MDGA2: variants seen among roughly 807,000 people sequenced by gnomAD.
MDGA2 encodes the protein MAM domain-containing glycosylphosphatidylinositol anchor protein 2.
MDGA2 carries 40 observed loss-of-function variants against 117.8 expected under a neutral mutation model. That is an observed-to-expected ratio of 0.34 (90% CI 0.26 to 0.44). The LOEUF is 0.44. MDGA2 is among the 20% of genes least tolerant of loss of function. The pLI, the probability that MDGA2 is intolerant of heterozygous loss-of-function variation, is 1.00. For synonymous variants in MDGA2, 452 were observed against 439.0 expected, an observed-to-expected ratio of 1.03 and a Z score of -0.37; for missense variants, 1,123 against 1,250.6, an observed-to-expected ratio of 0.90 and a Z score of 1.54.
intron 1 of MDGA2, among the ~76,000 whole-genome samples, chr14:47,641,875 A>G (rs544987443): frequency 6.6e-6 from 1 of 152,242 alleles, no homozygotes; most frequent in East Asian, 1.9e-4. Flanking sequence ...CTCATTTGAT[A>G]GGGAAGAGAT....
At chr14:47,176,806 C>G (rs1884473245) in intron 3 of MDGA2, among the ~76,000 whole-genome samples, 2 of 152,102 alleles carry the variant, frequency 1.3e-5, no homozygotes, top group Non-Finnish European at 2.9e-5. Context: ...CAAATGGGAT[C>G]TAATTAAACT....
At chr14:47,209,594 C>A (rs1885810065) in intron 3 of MDGA2, among the ~76,000 whole-genome samples, 3 of 152,146 alleles carry the variant, frequency 2.0e-5, no homozygotes, top group African/African-American at 4.8e-5. Context: ...TAATTCTTCT[C>A]TAATGTCTTC....
At chr14:47,290,080 A>T (rs1394490175) in intron 2 of MDGA2, among the ~76,000 whole-genome samples, 2 of 151,772 alleles carry the variant, frequency 1.3e-5, no homozygotes, top group Non-Finnish European at 2.9e-5. Flanking sequence ...AGTAAAAGAC[A>T]TTTTTTTTAA....
chr14:47,666,878 G>C (rs549035769), intron 1 of MDGA2, among the ~76,000 whole-genome samples: 1 of 151,888 alleles, frequency 6.6e-6, no homozygotes, highest in Non-Finnish European at 1.5e-5. Context: ...TGGGAGGAAC[G>C]AACAACTCCA....
Position 46,957,735 on chromosome 14 carries a change from A to G in MDGA2, c.1820-92T>C. The G allele has an allele frequency of 2.2e-6, 3 of 1,356,300 alleles. No homozygotes were observed. The East Asian group carries it at 6.9e-5, about 31-fold the overall frequency. 84.0% of individuals were successfully genotyped at this position (1,356,300 alleles called of 1,614,324 possible). A position where few individuals can be genotyped will look rare whatever the true frequency, so the allele number is the denominator to read the frequency against. On this transcript the variant is annotated intron_variant, in intron 8 of 16. Coordinates refer to ENST00000399232, the MANE Select transcript of MDGA2 (RefSeq NM_001113498.3). ...TAGAAGAAGCCATTTGCAGTAACAC[A>G]TGCAGCAATAGAGGAGGAGTGTAGG... is the stretch of plus-strand genomic sequence containing the variant.
rs1285736321 is a variant in MDGA2, at chr14:47,618,732, G to A, written c.280+55785C>T. Among the ~76,000 whole-genome samples, 6 of 152,086 alleles carry A rather than the reference G, an allele frequency of 3.9e-5. No homozygotes were observed. In the South Asian group the frequency reaches 8.3e-4, roughly 21 times the overall value. On this transcript the variant is annotated intron_variant, in intron 1 of 16. Coordinates refer to ENST00000399232, the MANE Select transcript of MDGA2 (RefSeq NM_001113498.3). ...ATGTCCGTAAGCTTGGAACATGAAC[G>A]AAATTAGATTGAGTTTAAAAGCAAA...
chr14:47,445,251 A>C (rs1187318492), intron 1 of MDGA2, among the ~76,000 whole-genome samples: 1 of 152,140 alleles, frequency 6.6e-6, no homozygotes, highest in African/African-American at 2.4e-5. Flanking sequence ...AATGTTGACT[A>C]TGAGGAGGAA....
chr14:47,613,069 A>G (rs1284321534), intron 1 of MDGA2, among the ~76,000 whole-genome samples: 2 of 152,174 alleles, frequency 1.3e-5, no homozygotes, highest in East Asian at 3.9e-4. Context: ...AGCACCTTCC[A>G]AACACCAGCC....
chr14:46,851,453 T>C (rs544115927), intron 15 of MDGA2, among the ~76,000 whole-genome samples: 2 of 151,844 alleles, frequency 1.3e-5, no homozygotes, highest in Non-Finnish European at 2.9e-5. Flanking sequence ...CTAAGTTAAT[T>C]CTAGTAAATG....
At chr14:47,064,753 T>C (rs1890019364) in intron 6 of MDGA2, among the ~76,000 whole-genome samples, 1 of 152,112 alleles carries the variant, frequency 6.6e-6, no homozygotes, top group African/African-American at 2.4e-5. Flanking sequence ...GTGTTTGATG[T>C]AGTTAATCAA....
At chr14:47,331,948 A>C (rs1039835531) in intron 1 of MDGA2, among the ~76,000 whole-genome samples, 3 of 152,038 alleles carry the variant, frequency 2.0e-5, no homozygotes, top group African/African-American at 7.2e-5. Flanking sequence ...ACATTTTGGC[A>C]TAAAGAAGTC....
chr14:47,474,577 T>C (rs548142597), intron 1 of MDGA2, among the ~76,000 whole-genome samples: 1 of 152,246 alleles, frequency 6.6e-6, no homozygotes, highest in South Asian at 2.1e-4. Flanking sequence ...GCTACCTCAC[T>C]TTGAACTATA....
chr14:47,466,117 A>C (rs1164557460), intron 1 of MDGA2, among the ~76,000 whole-genome samples: 1 of 152,118 alleles, frequency 6.6e-6, no homozygotes, highest in East Asian at 1.9e-4. Context: ...GAGCTAAATT[A>C]TGAGATCTTA....
chr14:47,129,523 G>A (rs1158335123), intron 5 of MDGA2, among the ~76,000 whole-genome samples: 3 of 148,160 alleles, frequency 2.0e-5, no homozygotes, highest in African/African-American at 7.5e-5. Flanking sequence ...CCAAGTCTTT[G>A]CTATTGTGAA....
chr14:47,316,596 A>C (rs1594791614), intron 1 of MDGA2, among the ~76,000 whole-genome samples: 1 of 152,114 alleles, frequency 6.6e-6, no homozygotes, highest in Non-Finnish European at 1.5e-5. Context: ...ATAAGGAAAT[A>C]TCTAATAACT....
At chr14:47,570,169 G>C in intron 1 of MDGA2, among the ~76,000 whole-genome samples, 1 of 151,958 alleles carries the variant, frequency 6.6e-6, no homozygotes, top group East Asian at 1.9e-4. Flanking sequence ...ATATGCCACA[G>C]AATTAATTAC....
chr14:47,064,513 C>A (rs1367002190), intron 6 of MDGA2, among the ~76,000 whole-genome samples: 1 of 152,060 alleles, frequency 6.6e-6, no homozygotes, highest in African/African-American at 2.4e-5. Context: ...TGTTTTCTTA[C>A]TTAGCTCAGA....
chr14:47,223,110 A>T (rs1016295928), intron 2 of MDGA2, among the ~76,000 whole-genome samples: 1 of 152,164 alleles, frequency 6.6e-6, no homozygotes, highest in African/African-American at 2.4e-5. Context: ...AACCCGTCAG[A>T]TCTTGTGAGA....
rs530486264 is a variant in MDGA2 at position 47,134,576 on chromosome 14, C to G, written c.793-2730G>C. ...CTGAAGACAAATTATCAGGACAAAA[C>G]TCAAGACAAAACTTGAGCCATATCA... On this transcript the variant is annotated intron_variant, in intron 4 of 16. Coordinates refer to ENST00000399232, the MANE Select transcript of MDGA2 (RefSeq NM_001113498.3). Among the ~76,000 whole-genome samples the G allele has an allele frequency of 7.0e-4, 106 of 151,630 alleles. 1 individual carries two copies. Among genetic ancestry groups the G allele is most frequent in the Middle Eastern group, 3.4e-3 (1 of 290 alleles).
Sources: allele counts gnomAD v4.1 joint callset (sites outside exome capture counted in the v4.1 genomes callset), GRCh38; gene constraint gnomAD v4.1.1; transcripts MANE v1.5; gene names NCBI Gene and HGNC (gene_info 2026-07-23, HGNC 2026-07-21).